Variants in CCDC148 observed in about 807,000 individuals in gnomAD.
CCDC148 encodes coiled-coil domain-containing protein 148.
CCDC148 carries 89 observed loss-of-function variants against 85.7 expected under a neutral mutation model. That is an observed-to-expected ratio of 1.04 (90% CI 0.87 to 1.24). The LOEUF (loss-of-function observed/expected upper bound fraction) is 1.24, where lower values mean the gene tolerates loss of function less well. Ranked by LOEUF, CCDC148 falls within the 50% of genes most tolerant of loss-of-function variation. The pLI is 0.00. For missense variants in CCDC148, 692 were observed against 671.7 expected (o/e 1.03, Z -0.33); for synonymous variants, 230 against 213.9 (o/e 1.08, Z -0.66).
chr2:158,189,801 C>T (rs933861418), intron 11 of CCDC148, among the ~76,000 whole-genome samples: 2 of 151,960 alleles, frequency 1.3e-5, no homozygotes, highest in African/African-American at 2.4e-5. Context: ...GTCTTGTCTA[C>T]TAGACTGTAT....
At position 158,217,566 on chromosome 2, in the gene CCDC148, C is replaced by T. The variant is rs185061732; in HGVS notation, c.1370+3029G>A. Among the ~76,000 whole-genome samples the T allele has an allele frequency of 6.9e-3, 1,056 of 151,946 alleles. 15 individuals are homozygous for T. The highest frequency in any genetic ancestry group is 0.024 in the African/African-American group (983 of 41,450). ...TACAGGCACCCGCCACCATGCCCGG[C>T]TAATTTTTTGTACTTTTTTAGTAGA... On this transcript the variant is annotated intron_variant, in intron 11 of 13. Transcript: ENST00000283233.
intron 10 of CCDC148, among the ~76,000 whole-genome samples, chr2:158,225,333 T>A (rs1373709716): frequency 2.0e-5 from 3 of 152,132 alleles, no homozygotes; most frequent in Non-Finnish European, 4.4e-5. Flanking sequence ...CAAAGAGACT[T>A]AGACTCCCAC....
intron 1 of CCDC148, among the ~76,000 whole-genome samples, chr2:158,402,399 C>A (rs777391384): frequency 8.8e-5 from 13 of 147,878 alleles, no homozygotes; most frequent in Middle Eastern, 3.5e-3. Flanking sequence ...GTTCGTAATG[C>A]AGATTGGCTT....
At position 158,288,836 on chromosome 2, in the gene CCDC148, A is replaced by T. The variant is rs184752637; in HGVS notation, c.1110+20597T>A. 1.7e-3 allele frequency: 611 copies of T among 351,334 alleles called. 4 individuals are homozygous for T. The highest frequency in any genetic ancestry group is 0.012 in the African/African-American group (557 of 45,762). 21.8% of individuals were successfully genotyped at this position (351,334 alleles called of 1,614,324 possible). A position where few individuals can be genotyped will look rare whatever the true frequency, so the allele number is the denominator to read the frequency against. On this transcript the variant is annotated intron_variant, in intron 9 of 13. Coordinates refer to ENST00000283233, the MANE Select transcript of CCDC148 (RefSeq NM_138803.4). ...TGCTGCTGATAAAGACATACCTGAG[A>T]CTGGGAAGAAAAAGAGGTTTAATTG...
intron 1 of CCDC148, among the ~76,000 whole-genome samples, chr2:158,371,757 CAA>C (rs1684453609): frequency 6.6e-6 from 1 of 151,576 alleles, no homozygotes; most frequent in African/African-American, 2.4e-5. Flanking sequence ...CTACAAGAAT[CAA>C]AGACAGAAAT....
chr2:158,347,482 T>C, intron 2 of CCDC148, among the ~76,000 whole-genome samples: 1 of 152,084 alleles, frequency 6.6e-6, no homozygotes, highest in East Asian at 1.9e-4. Flanking sequence ...AACAAAAAGA[T>C]TTAAAGTTCT....
At chr2:158,265,868 T>C (rs1574505706) in intron 9 of CCDC148, among the ~76,000 whole-genome samples, 1 of 152,178 alleles carries the variant, frequency 6.6e-6, no homozygotes, top group African/African-American at 2.4e-5. Context: ...GATCACCCAG[T>C]TGGTTGCCTA....
intron 8 of CCDC148, among the ~76,000 whole-genome samples, chr2:158,310,350 ATC>A (rs905663421): frequency 1.2e-4 from 19 of 152,176 alleles, no homozygotes; most frequent in Non-Finnish European, 2.1e-4. Context: ...TAACAATCTG[ATC>A]TCTCTTTCTT....
chr2:158,259,705 C>G (rs1051644597), intron 9 of CCDC148, among the ~76,000 whole-genome samples: 4 of 151,884 alleles, frequency 2.6e-5, no homozygotes, highest in Non-Finnish European at 5.9e-5. Context: ...ACCACCTTGT[C>G]CAAAAGGAAG....
intron 10 of CCDC148, among the ~76,000 whole-genome samples, chr2:158,230,778 G>A (rs1353007815): frequency 2.6e-5 from 4 of 152,182 alleles, no homozygotes; most frequent in African/African-American, 9.6e-5. Flanking sequence ...GGACTCAGGA[G>A]ATGGATTCAA....
chr2:158,393,753 G>C (rs1013862174), intron 1 of CCDC148, among the ~76,000 whole-genome samples: 11 of 152,130 alleles, frequency 7.2e-5, no homozygotes, highest in Non-Finnish European at 1.6e-4. Flanking sequence ...TTTTTAAAGA[G>C]AAATCATTGA....
rs544448962 is a variant in CCDC148, at chr2:158,309,491, C to T, written c.1052G>A (p.Ser351Asn). The T allele has an allele frequency of 2.5e-6, 4 of 1,614,172 alleles. No individual in the cohort carries two copies. The highest frequency in any genetic ancestry group is 3.4e-6 in the Non-Finnish European group (4 of 1,180,016). Residue 351 changes from serine to asparagine, a missense_variant, in exon 9 of 14, where the codon AGC becomes AAC. By Grantham distance (46) the Ser-to-Asn change is conservative. Coordinates refer to ENST00000283233, the MANE Select transcript of CCDC148 (RefSeq NM_138803.4). ...TEACATHEME[S>N]MLAKDKKKQQ... ...CTTTTTCTTGTCCTTAGCCAACATG[C>T]TCTCCATTTCATGTGTTGCACAAGC...
At chr2:158,338,965 A>G in intron 6 of CCDC148, 25 bp downstream of exon 6, 1 of 1,601,572 alleles carries the variant, frequency 6.2e-7, no homozygotes, top group Non-Finnish European at 8.5e-7. Context: ...ATAAACACAT[A>G]AATTATTAGC....
chr2:158,403,467 T>C (rs1685871636), intron 1 of CCDC148, among the ~76,000 whole-genome samples: 1 of 152,044 alleles, frequency 6.6e-6, no homozygotes, highest in Admixed American at 6.6e-5. Context: ...ACATATAAAA[T>C]GTCTATTACA....
At chr2:158,352,871 G>A (rs192698110) in intron 2 of CCDC148, among the ~76,000 whole-genome samples, 42 of 152,162 alleles carry the variant, frequency 2.8e-4, no homozygotes, top group African/African-American at 8.9e-4. Context: ...GACTAGCAGC[G>A]GATCTCTTGG....
intron 1 of CCDC148, among the ~76,000 whole-genome samples, chr2:158,388,861 A>G (rs941565993): frequency 6.6e-6 from 1 of 152,182 alleles, no homozygotes; most frequent in Non-Finnish European, 1.5e-5. Context: ...AGCAGATAAT[A>G]CATAAAAACT....
At chr2:158,418,540 G>C (rs1035973754) in intron 1 of CCDC148, among the ~76,000 whole-genome samples, 3 of 152,038 alleles carry the variant, frequency 2.0e-5, no homozygotes, top group African/African-American at 7.2e-5. Flanking sequence ...TGTTGCATTT[G>C]TTTGGGAAGT....
At position 158,191,887 on chromosome 2, in the gene CCDC148, A is replaced by C. The variant is rs564096016; in HGVS notation, c.1371-12891T>G. Among the ~76,000 whole-genome samples, 11 of 152,098 alleles carry C rather than the reference A, an allele frequency of 7.2e-5. No individual in the cohort carries two copies. In the East Asian group the frequency reaches 2.1e-3, roughly 29 times the overall value. ...CCTGGTGTTTGGATTTCAGGAGGAG[A>C]GCCCATCTCCAGTGCCTACTTGGGG... On this transcript the variant is annotated intron_variant, in intron 11 of 13. Transcript: ENST00000283233.
At chr2:158,268,705 G>A (rs1013605763) in intron 9 of CCDC148, among the ~76,000 whole-genome samples, 1 of 152,038 alleles carries the variant, frequency 6.6e-6, no homozygotes, top group Non-Finnish European at 1.5e-5. Context: ...ATAAATGAAA[G>A]TATGTACCCT....
Sources: allele counts gnomAD v4.1 joint callset (sites outside exome capture counted in the v4.1 genomes callset), GRCh38; gene constraint gnomAD v4.1.1; transcripts MANE v1.5; gene names NCBI Gene and HGNC (gene_info 2026-07-23, HGNC 2026-07-21).